Variants in TMEM63B observed in about 807,000 individuals in gnomAD.
TMEM63B encodes transmembrane protein 63B.
Under a neutral mutation model 102.6 loss-of-function variants are expected in TMEM63B, and 23 were observed. The ratio of observed to expected loss-of-function variants is 0.22; its 90% CI spans 0.16 to 0.32. The LOEUF (loss-of-function observed/expected upper bound fraction) is 0.32, where lower values mean the gene tolerates loss of function less well. TMEM63B is among the 10% of genes least tolerant of loss of function. The probability of loss-of-function intolerance (pLI) is 1.00; values close to 1 mark genes in which losing one functional copy is unlikely to be tolerated. For synonymous variants in TMEM63B, 444 were observed against 437.0 expected, an observed-to-expected ratio of 1.02 and a Z score of -0.20; for missense variants, 628 against 1,095.9, an observed-to-expected ratio of 0.57 and a Z score of 6.03.
intron 9 of TMEM63B, chr6:44,140,630 C>T (rs1472997920): frequency 5.1e-6 from 3 of 593,646 alleles, no homozygotes; most frequent in Non-Finnish European, 9.2e-6. Flanking sequence ...ATAGCAGTGG[C>T]TGATCCTAGG....
intron 21 of TMEM63B, 102 bp from the exon 22 acceptor site, chr6:44,153,971 G>A (rs1582835149): frequency 6.4e-7 from 1 of 1,554,714 alleles, no homozygotes; most frequent in Non-Finnish European, 8.8e-7. Flanking sequence ...GGGCCAGTCT[G>A]TAGCACCTGG....
intron 23 of TMEM63B, 35 bp downstream of exon 23, chr6:44,154,480 C>G (rs1767593523): frequency 1.9e-6 from 3 of 1,610,626 alleles, no homozygotes; most frequent in Non-Finnish European, 2.5e-6. Flanking sequence ...GGGCCTCTGA[C>G]AGACTCAGCC....
At chr6:44,132,206 C>T in intron 1 of TMEM63B, 1 of 945,586 alleles carries the variant, frequency 1.1e-6, no homozygotes, top group African/African-American at 1.8e-5. Context: ...CCCTGCCTTC[C>T]TCCCATGCAG....
chr6:44,139,387 T>C, intron 6 of TMEM63B, 80 bp from the exon 7 acceptor site: 2 of 1,562,400 alleles, frequency 1.3e-6, no homozygotes, highest in Admixed American at 3.4e-5. Flanking sequence ...GGGGTGGGAG[T>C]GGGTGAGGGC....
intron 9 of TMEM63B, chr6:44,140,621 T>C (rs1007864373): frequency 5.0e-6 from 3 of 595,650 alleles, no homozygotes; most frequent in African/African-American, 3.7e-5. Flanking sequence ...CTTGGGAAAA[T>C]AGCAGTGGCT....
intron 1 of TMEM63B, among the ~76,000 whole-genome samples, chr6:44,134,213 AAGAC>A (rs1483954541): frequency 1.3e-5 from 2 of 152,072 alleles, no homozygotes; most frequent in South Asian, 2.1e-4. Context: ...CCCCTGCCCT[AAGAC>A]AGAGAGAATG....
chr6:44,141,502 C>A (rs2128240047), intron 10 of TMEM63B, among the ~76,000 whole-genome samples: 1 of 152,276 alleles, frequency 6.6e-6, no homozygotes, highest in South Asian at 2.1e-4. Flanking sequence ...TCCAGGAGAA[C>A]TTGAACTGTG....
chr6:44,150,541 A>G lies in TMEM63B; in HGVS notation c.1608-23A>G. The G allele has an allele frequency of 6.2e-7, 1 of 1,613,494 alleles. No individual in the cohort carries two copies. The highest frequency in any genetic ancestry group is 1.1e-5 in the South Asian group (1 of 91,012). On this transcript the variant is annotated intron_variant, in intron 17 of 23. Transcript: ENST00000323267. The surrounding 1 kb of genome is among the most constrained non-coding windows in gnomAD (Gnocchi z 4.7). ...TCTGTACCACTCCAGCTCCCACCCC[A>G]TCTCTCCTCTGCTTCCCTCCAGCCT... is the stretch of plus-strand genomic sequence containing the variant.
rs374798696 is a variant in TMEM63B at position 44,148,310 on chromosome 6, G to A, written c.1046G>A (p.Arg349Gln). Reference sequence around the variant, plus strand: ...CAGAAGCTGAAGGAAGACTACAAGCGGGAGAAGGAGAAGGTGAATGAGAAG... The same window carrying A: ...CAGAAGCTGAAGGAAGACTACAAGCAGGAGAAGGAGAAGGTGAATGAGAAG... ...LEQKLKEDYK[R>Q]EKEKVNEKPL... The change falls in exon 13 of 24, where the codon CGG (arginine) becomes CAG (glutamine). Residue 349 changes from arginine to glutamine, a missense_variant. Arg to Gln is a conservative substitution (Grantham distance 43). This residue lies in a region of TMEM63B where 336 missense variants were observed against 580.3 expected (regional missense o/e 0.58). Transcript: ENST00000323267. This position sits in a 1 kb window ranked among gnomAD's most constrained non-coding sequence, Gnocchi z 5.1. 27 of 1,614,120 alleles carry A rather than the reference G, an allele frequency of 1.7e-5. No individual in the cohort carries two copies. The highest frequency in any genetic ancestry group is 6.7e-5 in the East Asian group (3 of 44,900).
Position 44,152,477 on chromosome 6 carries a change from C to A in TMEM63B, c.1837-116C>A. The A allele has an allele frequency of 1.3e-6, 1 of 767,606 alleles. No individual in the cohort carries two copies. Among genetic ancestry groups the A allele is most frequent in the Non-Finnish European group, 2.2e-6 (1 of 448,824 alleles). The allele number at this position is 767,606 out of a possible 1,614,324, so 47.5% of individuals were successfully genotyped here. On this transcript the variant is annotated intron_variant, in intron 19 of 23. Coordinates refer to ENST00000323267, the MANE Select transcript of TMEM63B (RefSeq NM_018426.3). This position sits in a 1 kb window ranked among gnomAD's most constrained non-coding sequence, Gnocchi z 6.4. ...CTACCCTAGACATTAGGTCCTGTTC[C>A]CCATGGCTTCTTTTCCGGCCCCAGA... is the stretch of plus-strand genomic sequence containing the variant.
At chr6:44,139,218 C>T (rs1229014058) in intron 6 of TMEM63B, among the ~76,000 whole-genome samples, 1 of 151,996 alleles carries the variant, frequency 6.6e-6, no homozygotes, top group East Asian at 1.9e-4. Flanking sequence ...TCCTTCTAGC[C>T]CTCTGCCTTC....
intron 5 of TMEM63B, among the ~76,000 whole-genome samples, chr6:44,137,068 A>G (rs1444759884): frequency 6.6e-6 from 1 of 152,154 alleles, no homozygotes; most frequent in Non-Finnish European, 1.5e-5. Context: ...AAAAGAAATA[A>G]TAAGCCCTCC....
In TMEM63B at chr6:44,138,537, G is replaced by A. The variant is rs1763470111; in HGVS notation, c.407+20G>A. 1.2e-6 allele frequency: 2 copies of A among 1,613,782 alleles called. No individual in the cohort carries two copies. The highest frequency in any genetic ancestry group is 2.7e-5 in the African/African-American group (2 of 74,898). On this transcript the variant is annotated intron_variant, in intron 6 of 23. Transcript: ENST00000323267. ...GATAAAGTAAGTGGACCATCTTCAA[G>A]CTCTAAAGAAAGAGAGAAACTTCAG...
chr6:44,143,800 G>A (rs1764794717), intron 10 of TMEM63B, among the ~76,000 whole-genome samples: 1 of 152,118 alleles, frequency 6.6e-6, no homozygotes, highest in Non-Finnish European at 1.5e-5. Flanking sequence ...AGGGTAAGAG[G>A]GGTTGGGAAG....
rs1303461577 is a variant in TMEM63B at position 44,150,187 on chromosome 6, A to C, written c.1521-37A>C. 1 of 1,593,246 alleles carries C rather than the reference A, an allele frequency of 6.3e-7. No individual in the cohort carries two copies. Among genetic ancestry groups the C allele is most frequent in the Non-Finnish European group, 8.6e-7 (1 of 1,163,094 alleles). Reference sequence around the variant, plus strand: ...GGGAGCAAGTCTGGGGCCTGGGCTCACTTGACCTGTACCGTTCCCTGCTCC... The same window carrying C: ...GGGAGCAAGTCTGGGGCCTGGGCTCCCTTGACCTGTACCGTTCCCTGCTCC... On this transcript the variant is annotated intron_variant, in intron 16 of 23. Transcript: ENST00000323267. The surrounding 1 kb of genome is among the most constrained non-coding windows in gnomAD (Gnocchi z 4.7).
rs1029053799 is a variant in TMEM63B at position 44,152,117 on chromosome 6, G to C, written c.1836+109G>C. 7.4e-7 allele frequency: 1 copy of C among 1,350,890 alleles called. No homozygotes were observed. The highest frequency in any genetic ancestry group is 9.8e-7 in the Non-Finnish European group (1 of 1,015,690). 83.7% of individuals were successfully genotyped at this position (1,350,890 alleles called of 1,614,324 possible). On this transcript the variant is annotated intron_variant, in intron 19 of 23. Transcript: ENST00000323267. This position sits in a 1 kb window ranked among gnomAD's most constrained non-coding sequence, Gnocchi z 6.4. ...GGGGCACAGGAGGGCTGAGACTTGGGGAGTACAGTTGACTCACGGTGGATC... is the reference window on the plus strand; with the variant it reads ...GGGGCACAGGAGGGCTGAGACTTGGCGAGTACAGTTGACTCACGGTGGATC...
At chr6:44,154,231 T>C in intron 22 of TMEM63B, 43 bp downstream of exon 22, 1 of 1,606,418 alleles carries the variant, frequency 6.2e-7, no homozygotes. Context: ...GGGCAGGAGC[T>C]CAAGGGGAGG....
rs567563400 is a variant in TMEM63B at position 44,138,736 on chromosome 6, G to GT, written c.407+219_407+220insT. ...TAATCTCCTCTGTGACCCCCTGCCGGCCCCCCCGCTTCTCTCCCTGCCCTG... is the reference window on the plus strand; with the variant it reads ...TAATCTCCTCTGTGACCCCCTGCCGGTCCCCCCCGCTTCTCTCCCTGCCCTG... On this transcript the variant is annotated intron_variant, in intron 6 of 23. Transcript: ENST00000323267. The GT allele has an allele frequency of 1.4e-3, 403 of 288,652 alleles. 20 individuals are homozygous for GT. Among genetic ancestry groups the GT allele is most frequent in the South Asian group, 2.0e-3 (59 of 28,872 alleles). 17.9% of individuals were successfully genotyped at this position (288,652 alleles called of 1,614,324 possible).
chr6:44,152,022 G>A lies in TMEM63B; in HGVS notation c.1836+14G>A. The A allele has an allele frequency of 1.3e-6, 2 of 1,587,244 alleles. No individual in the cohort carries two copies. The highest frequency in any genetic ancestry group is 1.7e-6 in the Non-Finnish European group (2 of 1,168,824). On this transcript the variant is annotated intron_variant, in intron 19 of 23. Coordinates refer to ENST00000323267, the MANE Select transcript of TMEM63B (RefSeq NM_018426.3). This position sits in a 1 kb window ranked among gnomAD's most constrained non-coding sequence, Gnocchi z 6.4. ...AACGTGAAGCGGGTACGGCCGCCTGGGGCAGCAGCGGCCCGCACAGCGCCC... is the reference window on the plus strand; with the variant it reads ...AACGTGAAGCGGGTACGGCCGCCTGAGGCAGCAGCGGCCCGCACAGCGCCC...
Sources: gnomAD v4.1 joint callset for allele counts (sites outside exome capture counted in the v4.1 genomes callset) on GRCh38, gnomAD v4.1.1 for gene constraint, gnomAD v4.1.1 regional missense constraint, Gnocchi (gnomAD v3.1) non-coding constraint, MANE v1.5 for transcripts, NCBI Gene and HGNC (gene_info 2026-07-23, HGNC 2026-07-21) for gene names.